Variants in CASP2 observed in about 807,000 individuals in gnomAD.
CASP2 encodes the protein caspase-2.
A neutral mutation model predicts 54.4 loss-of-function variants in CASP2; 38 were observed. The ratio of observed to expected loss-of-function variants is 0.70; its 90% confidence interval spans 0.54 to 0.92. The LOEUF (loss-of-function observed/expected upper bound fraction) is 0.92. Ranked by LOEUF, CASP2 falls within the 40% of genes least tolerant of loss-of-function variation. The pLI is 0.00. For synonymous variants in CASP2, 215 were observed against 216.3 expected (o/e 0.99, Z 0.05); for missense variants, 512 against 579.6 (o/e 0.88, Z 1.20).
intron 4 of CASP2, 107 bp from the exon 5 acceptor site, chr7:143,294,123 A>G: frequency 1.3e-6 from 1 of 760,154 alleles, no homozygotes; most frequent in Non-Finnish European, 2.4e-6. Context: ...GAGTGAGACC[A>G]ATATTTATCA....
intron 1 of CASP2, among the ~76,000 whole-genome samples, chr7:143,288,802 T>C (rs1178734687): frequency 6.6e-6 from 1 of 152,254 alleles, no homozygotes; most frequent in Non-Finnish European, 1.5e-5. Flanking sequence ...GGGAGGTCTT[T>C]GCAGTCCTGC....
At chr7:143,292,080 A>T (rs1341481945) in intron 2 of CASP2, among the ~76,000 whole-genome samples, 19 of 151,908 alleles carry the variant, frequency 1.3e-4, no homozygotes, top group Admixed American at 1.2e-3. Flanking sequence ...ACCCAGCTGG[A>T]TGTTGTACCT....
At chr7:143,302,028 C>T (rs1801930019) in intron 8 of CASP2, 1 of 152,178 alleles carries the variant, frequency 6.6e-6, no homozygotes, top group South Asian at 2.1e-4. Context: ...AGGGCACTGC[C>T]TGATGCATGG....
In CASP2 at chr7:143,292,388, C is replaced by G. The variant is rs762263774; in HGVS notation, c.314C>G (p.Ala105Gly). 6.2e-7 allele frequency: 1 copy of G among 1,614,144 alleles called. No individual in the cohort carries two copies. The highest frequency in any genetic ancestry group is 2.2e-5 in the East Asian group (1 of 44,878). ...CAAGCTTTTGATGCCTTCTGTGAAG[C>G]ACTGAGGGAGACCAAGCAAGGCCAC... ...GPQAFDAFCE[A>G]LRETKQGHLE... Residue 105 changes from alanine (A) to glycine (G), a missense_variant, in exon 3 of 11, where the codon GCA (alanine) becomes GGA (glycine). This residue lies in a region of CASP2 where 417 missense variants were observed against 495.4 expected (regional missense o/e 0.84). Transcript: ENST00000310447.
In CASP2 at chr7:143,294,661, G is replaced by A; in HGVS notation, c.635G>A (p.Gly212Glu). 1.2e-6 allele frequency: 2 copies of A among 1,614,206 alleles called. No individual in the cohort carries two copies. Among genetic ancestry groups the A allele is most frequent in the Non-Finnish European group, 1.7e-6 (2 of 1,180,030 alleles). The change falls in exon 6 of 11, where the codon GGA becomes GAA. Residue 212 changes from glycine (G) to glutamate (E), a missense_variant. Physicochemically the swap from Gly to Glu is moderately conservative, Grantham distance 98 (BLOSUM62 -2). This residue lies in a region of CASP2 where 417 missense variants were observed against 495.4 expected (regional missense o/e 0.84). Transcript: ENST00000310447. ...ALVLSNVHFTGEKELEFRSGG... is the reference protein window; with the variant it reads ...ALVLSNVHFTEEKELEFRSGG... The stretch of plus-strand genomic sequence containing the variant: ...GTGTTGAGCAATGTGCACTTCACTG[G>A]AGAGAAAGAACTGGAATTTCGCTCT...
Position 143,288,381 on chromosome 7 carries a change from T to A in CASP2, c.-75T>A. On this transcript the variant is annotated 5_prime_UTR_variant, in exon 1 of 11. The change abolishes an upstream ATG in the 5' untranslated region. Coordinates refer to ENST00000310447, the MANE Select transcript of CASP2 (RefSeq NM_032982.4). Reference sequence around the variant, plus strand: ...GTGCGTCCGCGTCTGAGGGGAGGGATGTGGGGGAAGCGACGGCCCCCGGTT... The same window carrying A: ...GTGCGTCCGCGTCTGAGGGGAGGGAAGTGGGGGAAGCGACGGCCCCCGGTT... 2.1e-6 allele frequency: 3 copies of A among 1,427,610 alleles called. No individual in the cohort carries two copies. The Admixed American group carries it at 5.4e-5, about 25-fold the overall frequency. The allele number at this position is 1,427,610 out of a possible 1,614,324, so 88.4% of individuals were successfully genotyped here.
intron 6 of CASP2, 130 bp from the exon 7 acceptor site, chr7:143,299,793 T>A (rs1247967996): frequency 3.0e-6 from 3 of 998,318 alleles, no homozygotes; most frequent in Non-Finnish European, 4.6e-6. Context: ...TCTTCTTTTA[T>A]CATTGACCAC....
In CASP2 at chr7:143,288,656, C is replaced by G. The variant is rs1801458036; in HGVS notation, c.74+127C>G. ...AAAGCAGCCGTGTCCGCGCTTCCTG[C>G]CAAGGGTGGGACGCCCGCCCGAGCC... On this transcript the variant is annotated intron_variant, in intron 1 of 10. Transcript: ENST00000310447. The G allele has an allele frequency of 2.5e-5, 23 of 907,000 alleles. No homozygotes were observed. In the South Asian group the frequency reaches 3.5e-4, roughly 14 times the overall value. 56.2% of individuals were successfully genotyped at this position (907,000 alleles called of 1,614,324 possible).
At position 143,307,062 on chromosome 7, in the gene CASP2, C is replaced by T. The variant is rs1035739495; in HGVS notation, c.*1991C>T. On this transcript the variant is annotated 3_prime_UTR_variant, in exon 11 of 11. Coordinates refer to ENST00000310447, the MANE Select transcript of CASP2 (RefSeq NM_032982.4). ...CCACCACTCTTGACTCAGGTGGTGT[C>T]CTTCTTCCTCAAGTCTTGACAATTC... 8 of 152,328 alleles carry T rather than the reference C, an allele frequency of 5.3e-5. No homozygotes were observed. Among genetic ancestry groups the T allele is most frequent in the African/African-American group, 1.9e-4 (8 of 41,454 alleles). The allele number at this position is 152,328 out of a possible 1,614,324, so 9.4% of individuals were successfully genotyped here.
intron 6 of CASP2, among the ~76,000 whole-genome samples, chr7:143,297,041 T>C (rs1422625692): frequency 1.3e-5 from 2 of 152,218 alleles, no homozygotes; most frequent in Non-Finnish European, 2.9e-5. Flanking sequence ...TAGCTTGCAT[T>C]TGGGTCACAA....
intron 9 of CASP2, among the ~76,000 whole-genome samples, chr7:143,304,191 G>A (rs1266373679): frequency 6.6e-6 from 1 of 152,156 alleles, no homozygotes; most frequent in Non-Finnish European, 1.5e-5. Flanking sequence ...CACTTGGAAA[G>A]TTTCAGATTT....
At chr7:143,300,508 TCTC>T in intron 8 of CASP2, 1 of 1,582,542 alleles carries the variant, frequency 6.3e-7, no homozygotes, top group Non-Finnish European at 8.5e-7. Flanking sequence ...GCTGGTCAGC[TCTC>T]CGTGCACCAC....
At position 143,304,949 on chromosome 7, in the gene CASP2, C is replaced by T. The variant is rs999981154; in HGVS notation, c.1237C>T (p.Leu413Phe). The T allele has an allele frequency of 6.8e-6, 11 of 1,614,238 alleles. No homozygotes were observed. The East Asian group carries it at 1.6e-4, about 23-fold the overall frequency. Residue 413 changes from leucine to phenylalanine, a missense_variant, in exon 11 of 11, where the codon CTT becomes TTT. Leu to Phe is a conservative substitution (Grantham distance 22). This residue lies in a region of CASP2 where 417 missense variants were observed against 495.4 expected (regional missense o/e 0.84). Transcript: ENST00000310447. The part of the protein sequence containing the change: ...VADMLVKVNA[L>F]IKDREGYAPG... ...GGTTCTGCCCCTCCAGGTGAACGCA[C>T]TTATCAAGGATCGGGAAGGTTATGC...
chr7:143,304,934 C>T lies in CASP2; in HGVS notation c.1228-6C>T, dbSNP rs1009202956. On this transcript the variant is annotated splice_polypyrimidine_tract_variant and splice_region_variant and intron_variant, in intron 10 of 10. Coordinates refer to ENST00000310447, the MANE Select transcript of CASP2 (RefSeq NM_032982.4). The stretch of plus-strand genomic sequence containing the variant: ...AGACTTGGGCCTATTGGTTCTGCCC[C>T]TCCAGGTGAACGCACTTATCAAGGA... The T allele has an allele frequency of 6.2e-7, 1 of 1,614,106 alleles. No homozygotes were observed. The highest frequency in any genetic ancestry group is 1.7e-5 in the Admixed American group (1 of 60,010).
intron 6 of CASP2, among the ~76,000 whole-genome samples, chr7:143,295,599 G>A (rs1434864317): frequency 6.6e-6 from 1 of 152,204 alleles, no homozygotes; most frequent in African/African-American, 2.4e-5. Flanking sequence ...AATTAAAATT[G>A]CTAGGAGATT....
At position 143,288,472 on chromosome 7, in the gene CASP2, C is replaced by T. The variant is rs763906927; in HGVS notation, c.17C>T (p.Ala6Val). The change falls in exon 1 of 11, where the codon GCG (alanine) becomes GTG (valine). Residue 6 changes from alanine to valine, a missense_variant. This residue lies in a region of CASP2 where 89 missense variants were observed against 67.1 expected (regional missense o/e 1.33). Transcript: ENST00000310447. MAAPS[A>V]GSWSTFQHKE... is the part of the protein sequence containing the mutation. ...AAGCGGGAAATGGCGGCGCCGAGCG[C>T]GGGGTCTTGGTCCACCTTCCAGCAC... 3.1e-6 allele frequency: 5 copies of T among 1,613,022 alleles called. No individual in the cohort carries two copies. The highest frequency in any genetic ancestry group is 2.2e-5 in the East Asian group (1 of 44,886).
intron 6 of CASP2, among the ~76,000 whole-genome samples, chr7:143,297,738 C>T (rs1801798324): frequency 6.6e-6 from 1 of 152,244 alleles, no homozygotes; most frequent in Non-Finnish European, 1.5e-5. Context: ...TGAGCCACCG[C>T]GCCCGGCCTT....
intron 6 of CASP2, among the ~76,000 whole-genome samples, chr7:143,295,280 G>A (rs575616491): frequency 1.9e-4 from 29 of 152,184 alleles, no homozygotes; most frequent in African/African-American, 6.7e-4. Context: ...CGTCCCCCTC[G>A]GCCTCCCAAA....
chr7:143,294,907 C>A, intron 6 of CASP2, 134 bp downstream of exon 6: 1 of 788,162 alleles, frequency 1.3e-6, no homozygotes, highest in Non-Finnish European at 2.2e-6. Context: ...TTTTTACTCA[C>A]TCTGTTCTGC....
Sources: allele counts gnomAD v4.1 joint callset (sites outside exome capture counted in the v4.1 genomes callset), GRCh38; gene constraint gnomAD v4.1.1; regional missense constraint gnomAD v4.1.1; transcripts MANE v1.5; gene names NCBI Gene and HGNC (gene_info 2026-07-23, HGNC 2026-07-21).